ZDHHC14: variants seen among roughly 807,000 people sequenced by gnomAD.
The protein encoded by ZDHHC14 is palmitoyltransferase ZDHHC14.
A neutral mutation model predicts 47.7 loss-of-function variants in ZDHHC14; 16 were observed. The observed-to-expected ratio is 0.34, with a 90% CI of 0.23 to 0.51. The LOEUF is 0.51. ZDHHC14 is among the 20% of genes least tolerant of loss of function. The pLI, the probability that ZDHHC14 is intolerant of heterozygous loss-of-function variation, is 0.97. For synonymous variants in ZDHHC14, 293 were observed against 278.9 expected (o/e 1.05, Z -0.50); for missense variants, 515 against 662.5 (o/e 0.78, Z 2.44).
chr6:157,645,937 A>G (rs1158407121), intron 6 of ZDHHC14, 98 bp downstream of exon 6: 1 of 1,036,402 alleles, frequency 9.6e-7, no homozygotes, highest in Non-Finnish European at 1.4e-6. Flanking sequence ...TTTCCCATAC[A>G]TCCCGTTCCA....
At chr6:157,384,826 G>A (rs565075853) in intron 1 of ZDHHC14, among the ~76,000 whole-genome samples, 3 of 152,316 alleles carry the variant, frequency 2.0e-5, no homozygotes, top group South Asian at 4.1e-4. Flanking sequence ...ATCCCTAAGC[G>A]AGATCCAGAG....
At chr6:157,639,352 T>C (rs547270213) in intron 5 of ZDHHC14, among the ~76,000 whole-genome samples, 1 of 152,352 alleles carries the variant, frequency 6.6e-6, no homozygotes, top group South Asian at 2.1e-4. Context: ...TTGCCCAGGC[T>C]GGAATGCAGT....
In ZDHHC14 at chr6:157,534,257, G is replaced by A. The variant is rs561234058; in HGVS notation, c.246-8328G>A. On this transcript the variant is annotated intron_variant, in intron 1 of 8. Transcript: ENST00000359775. The stretch of plus-strand genomic sequence containing the variant: ...CAGCAGCTCTAGGAAGAGCTTTCTC[G>A]GAAGGGCCCTGGCTTGCCCTGACGA... 5.9e-5 allele frequency among the ~76,000 whole-genome samples: 9 copies of A among 152,284 alleles called. No individual in the cohort carries two copies. In the South Asian group the frequency reaches 1.5e-3, roughly 25 times the overall value.
chr6:157,540,139 C>G (rs939148888), intron 1 of ZDHHC14, among the ~76,000 whole-genome samples: 57 of 152,300 alleles, frequency 3.7e-4, no homozygotes, highest in African/African-American at 1.3e-3. Context: ...TGGGATGGCT[C>G]TGAACAAATC....
At chr6:157,466,057 A>G (rs897991266) in intron 1 of ZDHHC14, among the ~76,000 whole-genome samples, 1 of 151,204 alleles carries the variant, frequency 6.6e-6, no homozygotes, top group African/African-American at 2.4e-5. Flanking sequence ...AAAAAAAAAG[A>G]GAGAGAGAGA....
Position 157,382,083 on chromosome 6 carries a change from G to T in ZDHHC14, c.62G>T (p.Ser21Ile), listed in dbSNP as rs780094207. The T allele has an allele frequency of 6.2e-7, 1 of 1,609,014 alleles. No individual in the cohort carries two copies. The highest frequency in any genetic ancestry group is 8.5e-7 in the Non-Finnish European group (1 of 1,177,896). ...DCEYSQISTH[S>I]SSPMESPHKK... ...GAGTACAGCCAGATCAGCACCCACA[G>T]CTCCTCCCCCATGGAGTCGCCCCAC... Residue 21 changes from serine (S) to isoleucine (I), a missense_variant, in exon 1 of 9, where the codon AGC becomes ATC. Physicochemically the swap from Ser to Ile is moderately radical, Grantham distance 142. Around this residue, in one of 4 missense-constraint regions of ZDHHC14, gnomAD observed 59 missense variants for 57.7 expected, o/e 1.02. Coordinates refer to ENST00000359775, the MANE Select transcript of ZDHHC14 (RefSeq NM_024630.3).
chr6:157,557,022 G>A (rs976202797), intron 2 of ZDHHC14, among the ~76,000 whole-genome samples: 4 of 152,174 alleles, frequency 2.6e-5, no homozygotes, highest in Admixed American at 6.5e-5. Flanking sequence ...CTTTCTCCAC[G>A]AGGGAAAGGC....
At chr6:157,643,512 G>A (rs1439916592) in intron 5 of ZDHHC14, among the ~76,000 whole-genome samples, 1 of 151,284 alleles carries the variant, frequency 6.6e-6, no homozygotes, top group African/African-American at 2.4e-5. Context: ...GCCATGCATG[G>A]TGGTGGGCAC....
chr6:157,464,135 T>C (rs1272658528), intron 1 of ZDHHC14, among the ~76,000 whole-genome samples: 1 of 152,254 alleles, frequency 6.6e-6, no homozygotes, highest in Admixed American at 6.5e-5. Flanking sequence ...CATGTTTAAG[T>C]ATTTAATCGT....
intron 1 of ZDHHC14, among the ~76,000 whole-genome samples, chr6:157,511,403 C>T (rs547746305): frequency 6.2e-4 from 92 of 148,568 alleles, no homozygotes; most frequent in Non-Finnish European, 1.1e-3. Flanking sequence ...TTTTTTGAGA[C>T]GGAGTCTTGC....
rs1436914129 is a variant in ZDHHC14 at position 157,645,730 on chromosome 6, G to A, written c.753-7G>A. ...TCACTTCCGCTTGCCTCCTTGACTC[G>A]CATCACCGTCCTGGAGGCTGTGGTG... is the stretch of plus-strand genomic sequence containing the variant. On this transcript the variant is annotated splice_region_variant and splice_polypyrimidine_tract_variant and intron_variant, in intron 5 of 8. Transcript: ENST00000359775. 6.2e-6 allele frequency: 10 copies of A among 1,612,248 alleles called. No individual in the cohort carries two copies. Among genetic ancestry groups the A allele is most frequent in the South Asian group, 1.1e-5 (1 of 90,742 alleles).
rs560786686 is a variant in ZDHHC14 at position 157,434,059 on chromosome 6, C to A, written c.245+51793C>A. 2.6e-5 allele frequency among the ~76,000 whole-genome samples: 4 copies of A among 152,166 alleles called. No homozygotes were observed. In the South Asian group the frequency reaches 8.3e-4, roughly 32 times the overall value. On this transcript the variant is annotated intron_variant, in intron 1 of 8. Transcript: ENST00000359775. ...CAATGGCTCAGTACATGGTTTTTGA[C>A]CCTCCTGAGATATATGCTAAAAGAT...
chr6:157,523,556 G>A (rs931523039), intron 1 of ZDHHC14, among the ~76,000 whole-genome samples: 1 of 152,086 alleles, frequency 6.6e-6, no homozygotes, highest in Non-Finnish European at 1.5e-5. Flanking sequence ...GGGCATAAAA[G>A]TTGGCATAGC....
At chr6:157,595,850 C>CA in intron 3 of ZDHHC14, among the ~76,000 whole-genome samples, 1 of 152,258 alleles carries the variant, frequency 6.6e-6, no homozygotes, top group East Asian at 1.9e-4. Flanking sequence ...GGTGGCCACC[C>CA]AGTATCCACA....
intron 2 of ZDHHC14, among the ~76,000 whole-genome samples, chr6:157,564,202 T>C (rs953805): frequency 0.26 from 40,111 of 152,106 alleles, 5,723 homozygotes; most frequent in East Asian, 0.51. Context: ...TGGTCACAGC[T>C]GGTGCCTGCT....
At chr6:157,482,546 G>A (rs1031254829) in intron 1 of ZDHHC14, among the ~76,000 whole-genome samples, 8 of 151,798 alleles carry the variant, frequency 5.3e-5, no homozygotes, top group African/African-American at 1.7e-4. Context: ...GAGCCACCAC[G>A]CCTGGCTCCA....
chr6:157,632,782 A>G, intron 4 of ZDHHC14, 52 bp from the exon 5 acceptor site: 2 of 1,553,178 alleles, frequency 1.3e-6, no homozygotes, highest in Admixed American at 1.7e-5. Flanking sequence ...GAGAGCATTC[A>G]GCATGAAGGC....
In ZDHHC14 at chr6:157,673,006, C is replaced by T. The variant is rs1319450489; in HGVS notation, c.1351C>T (p.Leu451=). Residue 451 remains leucine (L), a synonymous_variant, in exon 9 of 9, where the codon CTG becomes TTG. Coordinates refer to ENST00000359775, the MANE Select transcript of ZDHHC14 (RefSeq NM_024630.3). The surrounding 1 kb of genome is among the most constrained non-coding windows in gnomAD (Gnocchi z 5.4). ...TGAGGCGCCCTCGCCCCCCAGGCTA[C>T]TGGCGGCGGGCAGCCCCCTGGCGCA... ...PDEAPSPPRL[L]AAGSPLAHSR... is the part of the protein sequence containing the mutation. 2.5e-6 allele frequency: 4 copies of T among 1,576,520 alleles called. No homozygotes were observed. The Admixed American group carries it at 5.3e-5, about 21-fold the overall frequency.
At chr6:157,466,486 A>T (rs1779219835) in intron 1 of ZDHHC14, among the ~76,000 whole-genome samples, 1 of 152,340 alleles carries the variant, frequency 6.6e-6, no homozygotes, top group East Asian at 1.9e-4. Flanking sequence ...TGTGTTATTT[A>T]AAAAATTGAA....
Sources: gnomAD v4.1 joint callset for allele counts (sites outside exome capture counted in the v4.1 genomes callset) on GRCh38, gnomAD v4.1.1 for gene constraint, gnomAD v4.1.1 regional missense constraint, Gnocchi (gnomAD v3.1) non-coding constraint, MANE v1.5 for transcripts, NCBI Gene and HGNC (gene_info 2026-07-23, HGNC 2026-07-21) for gene names.